The following PPIL3 variants were observed in gnomAD, a reference collection of about 807,000 sequenced individuals.
The protein encoded by PPIL3 is peptidylprolyl isomerase like 3.
A neutral mutation model predicts 20.9 loss-of-function variants in PPIL3; 13 were observed. That is an observed-to-expected ratio of 0.62 (90% CI 0.40 to 0.99). PPIL3 has a LOEUF of 0.99. PPIL3 is among the 50% of genes least tolerant of loss of function. The pLI, the probability that PPIL3 is intolerant of heterozygous loss-of-function variation, is 0.00. For missense variants in PPIL3, 170 were observed against 195.2 expected, an observed-to-expected ratio of 0.87 and a Z score of 0.77; for synonymous variants, 71 against 64.4, an observed-to-expected ratio of 1.10 and a Z score of -0.49.
Position 200,887,673 on chromosome 2 carries a change from C to A in PPIL3, c.-58G>T. 2 of 1,471,224 alleles carry A rather than the reference C, an allele frequency of 1.4e-6. No individual in the cohort carries two copies. The highest frequency in any genetic ancestry group is 1.2e-5 in the South Asian group (1 of 80,496). 91.1% of individuals were successfully genotyped at this position (1,471,224 alleles called of 1,614,324 possible). A position where few individuals can be genotyped will look rare whatever the true frequency, so the allele number is the denominator to read the frequency against. On this transcript the variant is annotated 5_prime_UTR_variant, in exon 2 of 7. Coordinates refer to ENST00000392283, the MANE Select transcript of PPIL3 (RefSeq NM_130906.3). ...TGATTTCTCAGTCTTACAGCGAGCT[C>A]AAAAATAAGTCTCTAGTCCCAAAAG...
chr2:200,886,432 T>C lies in PPIL3; in HGVS notation c.4-660A>G, dbSNP rs533570628. 3.5e-3 allele frequency among the ~76,000 whole-genome samples: 530 copies of C among 151,072 alleles called. 1 individual carries two copies. The highest frequency in any genetic ancestry group is 0.012 in the African/African-American group (494 of 41,370). On this transcript the variant is annotated intron_variant, in intron 2 of 6. Transcript: ENST00000392283. Reference sequence around the variant, plus strand: ...GAGGGTTCCTTTTTCATTTCTCCTTTTTTTTTTTTTTGAGGTGGAGTCTTG... The same window carrying C: ...GAGGGTTCCTTTTTCATTTCTCCTTCTTTTTTTTTTTGAGGTGGAGTCTTG...
Position 200,885,786 on chromosome 2 carries a change from A to C in PPIL3, c.4-14T>G. 1 of 1,487,598 alleles carries C rather than the reference A, an allele frequency of 6.7e-7. No homozygotes were observed. The highest frequency in any genetic ancestry group is 9.3e-7 in the Non-Finnish European group (1 of 1,078,852). 92.1% of individuals were successfully genotyped at this position (1,487,598 alleles called of 1,614,324 possible). ...CAGTGTCACAGACTAAAAAGGAGAG[A>C]AAATGTGAGAACAAATGAAATTTAT... On this transcript the variant is annotated splice_polypyrimidine_tract_variant and intron_variant, in intron 2 of 6. Transcript: ENST00000392283.
chr2:200,871,571 GA>G, intron 6 of PPIL3, 50 bp from the exon 7 acceptor site: 1 of 1,501,744 alleles, frequency 6.7e-7, no homozygotes, highest in Non-Finnish European at 9.1e-7. Context: ...ATTGAAACAT[GA>G]TATCCATATC....
At chr2:200,877,768 A>G (rs572648269) in intron 5 of PPIL3, among the ~76,000 whole-genome samples, 1 of 152,302 alleles carries the variant, frequency 6.6e-6, no homozygotes, top group African/African-American at 2.4e-5. Flanking sequence ...CATTAAATAT[A>G]TATTTTTTAA....
chr2:200,886,061 C>G (rs1210469600), intron 2 of PPIL3, among the ~76,000 whole-genome samples: 1 of 152,122 alleles, frequency 6.6e-6, no homozygotes, highest in Non-Finnish European at 1.5e-5. Context: ...ATTATTTTAA[C>G]TTTGAATTTT....
intron 3 of PPIL3, among the ~76,000 whole-genome samples, chr2:200,884,671 T>C (rs1036543776): frequency 3.4e-4 from 52 of 151,172 alleles, no homozygotes; most frequent in Middle Eastern, 3.4e-3. Flanking sequence ...GCCCAGGAGG[T>C]TGAGGCTGCA....
Position 200,871,457 on chromosome 2 carries a change from G to T in PPIL3, c.424C>A (p.Arg142=). ...TTAATGTGTACATCATTAAGAGGTC[G>T]GTATGTCTTCTCATTTACTGGCAAC... ...EKLPVNEKTY[R]PLNDVHIKDI... is the part of the protein sequence containing the mutation. Residue 142 remains arginine (R), a synonymous_variant, in exon 7 of 7, where the codon CGA becomes AGA. Transcript: ENST00000392283. The T allele has an allele frequency of 6.2e-7, 1 of 1,609,372 alleles. No individual in the cohort carries two copies. Among genetic ancestry groups the T allele is most frequent in the Non-Finnish European group, 8.5e-7 (1 of 1,175,858 alleles).
At chr2:200,885,802 T>TA (rs2039915159) in intron 2 of PPIL3, 30 bp from the exon 3 acceptor site, 1 of 1,369,506 alleles carries the variant, frequency 7.3e-7, no homozygotes, top group Non-Finnish European at 1.0e-6. Context: ...TGAGAACAAA[T>TA]GAAATTTATT....
Position 200,881,444 on chromosome 2 carries a change from C to T in PPIL3, c.217G>A (p.Asp73Asn), listed in dbSNP as rs755559427. Residue 73 changes from aspartate (D) to asparagine (N), a missense_variant, in exon 5 of 7, where the codon GAT becomes AAT. By Grantham distance (23) the Asp-to-Asn change is conservative. Coordinates refer to ENST00000392283, the MANE Select transcript of PPIL3 (RefSeq NM_130906.3). The stretch of plus-strand genomic sequence containing the variant: ...ACCTTAAGATATTCACTGTATTCAT[C>T]CTCAAACTTCTTGCCCCAAATACTG... Reference protein sequence around the residue: ...GNSIWGKKFEDEYSEYLKHNV... With the variant: ...GNSIWGKKFENEYSEYLKHNV... 1 of 1,613,398 alleles carries T rather than the reference C, an allele frequency of 6.2e-7. No individual in the cohort carries two copies. Among genetic ancestry groups the T allele is most frequent in the South Asian group, 1.1e-5 (1 of 90,982 alleles).
chr2:200,888,121 T>C (rs2040033869), intron 1 of PPIL3, among the ~76,000 whole-genome samples: 1 of 150,304 alleles, frequency 6.7e-6, no homozygotes, highest in Non-Finnish European at 1.5e-5. Flanking sequence ...CTATAGAAGA[T>C]ATCCTACCCG....
intron 4 of PPIL3, 178 bp from the exon 5 acceptor site, chr2:200,881,666 C>T: frequency 1.9e-6 from 1 of 531,654 alleles, no homozygotes; most frequent in Non-Finnish European, 3.3e-6. Flanking sequence ...AACAGACCTA[C>T]AAAAAACAAA....
Position 200,888,014 on chromosome 2 carries a change from G to A in PPIL3, c.-70-329C>T, listed in dbSNP as rs895085202. 3.5e-5 allele frequency among the ~76,000 whole-genome samples: 5 copies of A among 141,838 alleles called. No homozygotes were observed. In the East Asian group the frequency reaches 1.0e-3, roughly 29 times the overall value. The allele number at this position is 141,838 out of a possible 152,430, so 93.1% of individuals were successfully genotyped here. A position where few individuals can be genotyped will look rare whatever the true frequency, so the allele number is the denominator to read the frequency against. On this transcript the variant is annotated intron_variant, in intron 1 of 6. Coordinates refer to ENST00000392283, the MANE Select transcript of PPIL3 (RefSeq NM_130906.3). ...GGAGGCTGCAGTGAGCTGAGATCGC[G>A]CCACTGCACTCCAGCCTGGGTGACA...
intron 2 of PPIL3, 105 bp from the exon 3 acceptor site, chr2:200,885,877 C>G (rs1260958356): frequency 1.6e-5 from 11 of 667,906 alleles, no homozygotes; most frequent in Non-Finnish European, 2.8e-5. Flanking sequence ...TGAATAAAAA[C>G]AGACAGAAAT....
intron 6 of PPIL3, among the ~76,000 whole-genome samples, chr2:200,874,046 A>T (rs1415768321): frequency 6.6e-6 from 1 of 151,420 alleles, no homozygotes; most frequent in Non-Finnish European, 1.5e-5. Context: ...TCTACTAAAA[A>T]TACAAAAAAT....
chr2:200,882,924 A>G (rs2039788458), intron 3 of PPIL3, among the ~76,000 whole-genome samples: 1 of 151,156 alleles, frequency 6.6e-6, no homozygotes, highest in Admixed American at 6.6e-5. Context: ...CCAAAAACAA[A>G]AAGAAAATCT....
chr2:200,872,464 C>G (rs1227420956), intron 6 of PPIL3, among the ~76,000 whole-genome samples: 2 of 152,074 alleles, frequency 1.3e-5, no homozygotes, highest in Non-Finnish European at 2.9e-5. Flanking sequence ...GGAACTCAAT[C>G]TCCAGCCCTT....
intron 5 of PPIL3, among the ~76,000 whole-genome samples, chr2:200,879,671 C>CA (rs1263320420): frequency 6.6e-6 from 1 of 152,088 alleles, no homozygotes; most frequent in Admixed American, 6.6e-5. Context: ...CTCGTCTCTA[C>CA]AAAAAATCAG....
chr2:200,880,817 A>G (rs1413014457), intron 5 of PPIL3, among the ~76,000 whole-genome samples: 1 of 152,030 alleles, frequency 6.6e-6, no homozygotes, highest in African/African-American at 2.4e-5. Flanking sequence ...GGCATGCACT[A>G]ATTTTTAATT....
At chr2:200,883,591 C>G (rs2105780606) in intron 3 of PPIL3, among the ~76,000 whole-genome samples, 1 of 151,446 alleles carries the variant, frequency 6.6e-6, no homozygotes, top group East Asian at 1.9e-4. Context: ...TCATCTCTAT[C>G]TTTAAAAAAA....
Sources: allele counts gnomAD v4.1 joint callset (sites outside exome capture counted in the v4.1 genomes callset), GRCh38; gene constraint gnomAD v4.1.1; transcripts MANE v1.5; gene names NCBI Gene and HGNC (gene_info 2026-07-23, HGNC 2026-07-21).